The following NRCAM variants were observed in gnomAD, a reference collection of about 807,000 sequenced individuals.
The protein encoded by NRCAM is NgCAM-related cell adhesion molecule.
Under a neutral mutation model 156.5 loss-of-function variants are expected in NRCAM, and 83 were observed. That is an observed-to-expected ratio of 0.53 (90% CI 0.44 to 0.64). NRCAM has a LOEUF of 0.64. Ranked by LOEUF, NRCAM falls within the 30% of genes least tolerant of loss-of-function variation. NRCAM has a pLI of 0.00. For synonymous variants in NRCAM, 538 were observed against 563.9 expected (o/e 0.95, Z 0.65); for missense variants, 1,417 against 1,597.3 (o/e 0.89, Z 1.92).
chr7:108,284,540 G>A (rs1269687), intron 3 of NRCAM, among the ~76,000 whole-genome samples: 148,134 of 152,250 alleles, frequency 0.97, 72,075 homozygotes, highest in East Asian at 1. Context: ...CTTCCTACTT[G>A]GCACATAAGG....
chr7:108,292,208 C>A (rs867622164), intron 3 of NRCAM, among the ~76,000 whole-genome samples: 2 of 152,214 alleles, frequency 1.3e-5, no homozygotes, highest in South Asian at 4.1e-4. Flanking sequence ...ACATCCAGGG[C>A]CAGATGCTGT....
intron 1 of NRCAM, among the ~76,000 whole-genome samples, chr7:108,448,072 T>C (rs1192735144): frequency 1.3e-5 from 2 of 152,206 alleles, no homozygotes; most frequent in Admixed American, 6.5e-5. Flanking sequence ...CCTTCCATTA[T>C]AATTTCACAT....
At chr7:108,417,476 C>A (rs1415428749) in intron 1 of NRCAM, among the ~76,000 whole-genome samples, 2 of 152,184 alleles carry the variant, frequency 1.3e-5, no homozygotes, top group Non-Finnish European at 2.9e-5. Flanking sequence ...ATGGCCTAAT[C>A]ATCTCTCAAC....
rs1587627286 is a variant in NRCAM at position 108,194,293 on chromosome 7, C to T, written c.1599G>A (p.Met533Ile). The change falls in exon 16 of 33, where the codon ATG becomes ATA. Residue 533 changes from methionine (M) to isoleucine (I), a missense_variant. By Grantham distance (10) the Met-to-Ile change is conservative. Transcript: ENST00000379028. Reference sequence around the variant, plus strand: ...TTTCTAAGTGAACTTCATTCTTCGCCATCCCTAATTTATTCCTTGCAACAC... The same window carrying T: ...TTTCTAAGTGAACTTCATTCTTCGCTATCCCTAATTTATTCCTTGCAACAC... ...YTCVARNKLG[M>I]AKNEVHLEIK... 2.5e-6 allele frequency: 4 copies of T among 1,612,536 alleles called. No homozygotes were observed. The East Asian group carries it at 8.9e-5, about 36-fold the overall frequency.
intron 23 of NRCAM, 66 bp downstream of exon 23, chr7:108,182,629 A>G: frequency 6.9e-7 from 1 of 1,439,536 alleles, no homozygotes; most frequent in Non-Finnish European, 9.7e-7. Context: ...GCAAGGAGAA[A>G]TGGCCTTGGC....
At chr7:108,422,205 T>C (rs563540995) in intron 1 of NRCAM, among the ~76,000 whole-genome samples, 1 of 152,324 alleles carries the variant, frequency 6.6e-6, no homozygotes, top group East Asian at 1.9e-4. Flanking sequence ...ACAATAAATG[T>C]TTCAAATAAA....
intron 11 of NRCAM, among the ~76,000 whole-genome samples, chr7:108,211,777 C>T (rs1028088922): frequency 6.6e-6 from 1 of 152,054 alleles, no homozygotes; most frequent in Non-Finnish European, 1.5e-5. Context: ...TGAGCTCAGA[C>T]ACACCTAGCC....
intron 22 of NRCAM, 57 bp from the exon 23 acceptor site, chr7:108,182,977 T>C: frequency 7.2e-7 from 1 of 1,381,072 alleles, no homozygotes. Context: ...CACAATCTTT[T>C]ACAGGAACAG....
At chr7:108,361,424 G>A (rs1010958409) in intron 2 of NRCAM, among the ~76,000 whole-genome samples, 15 of 152,138 alleles carry the variant, frequency 9.9e-5, no homozygotes, top group South Asian at 2.1e-4. Flanking sequence ...AAAGCCGATC[G>A]CCCTCCCTAA....
intron 9 of NRCAM, 134 bp from the exon 10 acceptor site, chr7:108,225,835 C>T (rs1274768647): frequency 2.8e-6 from 2 of 723,926 alleles, no homozygotes; most frequent in Non-Finnish European, 5.1e-6. Flanking sequence ...CAGTGCTTTA[C>T]ATTGTACATG....
chr7:108,296,112 T>G (rs2098449698), intron 3 of NRCAM, among the ~76,000 whole-genome samples: 3 of 152,168 alleles, frequency 2.0e-5, no homozygotes, highest in African/African-American at 7.2e-5. Flanking sequence ...TTTCACACAC[T>G]CCACAGTCTT....
intron 1 of NRCAM, among the ~76,000 whole-genome samples, chr7:108,406,770 A>C (rs1430758729): frequency 6.6e-6 from 1 of 152,224 alleles, no homozygotes; most frequent in Non-Finnish European, 1.5e-5. Context: ...AAAGCAACTG[A>C]ACTTGTTCCA....
intron 1 of NRCAM, among the ~76,000 whole-genome samples, chr7:108,423,067 GGA>G (rs1812322695): frequency 6.6e-6 from 1 of 152,078 alleles, no homozygotes; most frequent in East Asian, 1.9e-4. Flanking sequence ...TGGAGAGAAG[GGA>G]GGGGGATATA....
intron 13 of NRCAM, 191 bp downstream of exon 13, chr7:108,207,337 G>C (rs2081689898): frequency 6.0e-6 from 3 of 499,550 alleles, no homozygotes; most frequent in Admixed American, 7.4e-5. Context: ...TATGTTAACA[G>C]CATAAACTAT....
At chr7:108,415,072 G>A (rs915779173) in intron 1 of NRCAM, among the ~76,000 whole-genome samples, 3 of 152,154 alleles carry the variant, frequency 2.0e-5, no homozygotes, top group African/African-American at 7.2e-5. Flanking sequence ...CATTTCTTAG[G>A]AGGTTGCAGT....
intron 11 of NRCAM, among the ~76,000 whole-genome samples, chr7:108,216,729 C>G (rs1391889751): frequency 6.6e-6 from 1 of 152,298 alleles, no homozygotes; most frequent in East Asian, 1.9e-4. Context: ...GTGTATGCGT[C>G]ACGAAGTTCT....
chr7:108,169,221 C>T (rs11763780), intron 28 of NRCAM, among the ~76,000 whole-genome samples: 91,597 of 152,108 alleles, frequency 0.6, 32,585 homozygotes, highest in East Asian at 0.83. Flanking sequence ...ATGCTACATG[C>T]TTGCTACTGG....
chr7:108,168,413 A>G lies in NRCAM; in HGVS notation c.3188-11T>C, dbSNP rs368639382. On this transcript the variant is annotated splice_polypyrimidine_tract_variant and intron_variant, in intron 28 of 32. Coordinates refer to ENST00000379028, the MANE Select transcript of NRCAM (RefSeq NM_001037132.4). ...GATTTACTGCTTGAACTAAACATAC[A>G]ATAGAAAAATAAAACAAACAATCAT... 55 of 1,585,404 alleles carry G rather than the reference A, an allele frequency of 3.5e-5. No individual in the cohort carries two copies. Among genetic ancestry groups the G allele is most frequent in the Non-Finnish European group, 4.3e-5 (50 of 1,169,822 alleles).
At chr7:108,222,235 G>T (rs2092528005) in intron 11 of NRCAM, among the ~76,000 whole-genome samples, 1 of 152,160 alleles carries the variant, frequency 6.6e-6, no homozygotes, top group Non-Finnish European at 1.5e-5. Flanking sequence ...AAAAAGCCAT[G>T]AATTGTTTTG....
Sources: allele counts gnomAD v4.1 joint callset (sites outside exome capture counted in the v4.1 genomes callset), GRCh38; gene constraint gnomAD v4.1.1; transcripts MANE v1.5; gene names NCBI Gene and HGNC (gene_info 2026-07-23, HGNC 2026-07-21).